The following CNTN5 variants were observed in gnomAD, a reference collection of about 807,000 sequenced individuals.
The protein encoded by CNTN5 is contactin-5.
CNTN5 carries 77 observed loss-of-function variants against 129.1 expected under a neutral mutation model. The observed-to-expected ratio is 0.60, with a 90% CI of 0.50 to 0.72. The LOEUF (loss-of-function observed/expected upper bound fraction) is 0.72, where lower values mean the gene tolerates loss of function less well. Among genes scored for constraint, CNTN5 ranks in the 30% least tolerant of loss-of-function variants. The probability of loss-of-function intolerance (pLI) is 0.00; values close to 1 mark genes in which losing one functional copy is unlikely to be tolerated. For synonymous variants in CNTN5, 509 were observed against 465.6 expected (o/e 1.09, Z -1.20); for missense variants, 1,478 against 1,328.8 (o/e 1.11, Z -1.75).
At chr11:99,171,462 A>T (rs1861145968) in intron 1 of CNTN5, among the ~76,000 whole-genome samples, 1 of 152,156 alleles carries the variant, frequency 6.6e-6, no homozygotes, top group African/African-American at 2.4e-5. Flanking sequence ...TACCCAGCCA[A>T]TTCCTCATTG....
At chr11:99,618,102 C>A (rs61638629) in intron 3 of CNTN5, among the ~76,000 whole-genome samples, 1,644 of 152,094 alleles carry the variant, frequency 0.011, 35 homozygotes, top group African/African-American at 0.036. Context: ...AAAAGAAATA[C>A]CTAAAACTTG....
intron 1 of CNTN5, among the ~76,000 whole-genome samples, chr11:99,195,186 T>C (rs1192345685): frequency 6.6e-6 from 1 of 152,194 alleles, no homozygotes; most frequent in East Asian, 1.9e-4. Context: ...TTTAACTTAT[T>C]CCTTATATTT....
intron 2 of CNTN5, among the ~76,000 whole-genome samples, chr11:99,376,357 G>A (rs548494642): frequency 8.5e-5 from 13 of 152,282 alleles, no homozygotes; most frequent in South Asian, 6.2e-4. Context: ...ATGAAGGTGA[G>A]ATCTGTTCCA....
At chr11:100,088,189 CTA>C (rs1446845683) in intron 13 of CNTN5, among the ~76,000 whole-genome samples, 1 of 151,850 alleles carries the variant, frequency 6.6e-6, no homozygotes, top group Non-Finnish European at 1.5e-5. Context: ...ATGAACACCT[CTA>C]TACACACAAA....
chr11:99,066,995 A>C (rs941779161), intron 1 of CNTN5, among the ~76,000 whole-genome samples: 7 of 152,094 alleles, frequency 4.6e-5, no homozygotes, highest in Admixed American at 4.6e-4. Context: ...CACAAAGATC[A>C]AACCTTTTAT....
chr11:100,085,783 G>A (rs555188841), intron 13 of CNTN5, among the ~76,000 whole-genome samples: 5 of 152,150 alleles, frequency 3.3e-5, no homozygotes, highest in South Asian at 2.1e-4. Flanking sequence ...AAATGAGAGC[G>A]TCCTAATTCT....
At chr11:100,147,541 T>C (rs913364855) in intron 13 of CNTN5, among the ~76,000 whole-genome samples, 5 of 152,118 alleles carry the variant, frequency 3.3e-5, no homozygotes, top group African/African-American at 1.2e-4. Context: ...TCAGTTCTGC[T>C]CGGAAGCCGC....
At chr11:100,299,728 A>G (rs1951177402) in intron 20 of CNTN5, among the ~76,000 whole-genome samples, 1 of 151,362 alleles carries the variant, frequency 6.6e-6, no homozygotes, top group South Asian at 2.1e-4. Context: ...AAATTTAGAT[A>G]CTTTTATATT....
chr11:99,087,125 A>G (rs192180460), intron 1 of CNTN5, among the ~76,000 whole-genome samples: 1 of 152,182 alleles, frequency 6.6e-6, no homozygotes, highest in African/African-American at 2.4e-5. Flanking sequence ...TAGTCCTGTG[A>G]AGAATTTTGA....
chr11:100,026,205 TA>T (rs1263948514), intron 9 of CNTN5, among the ~76,000 whole-genome samples: 9 of 152,092 alleles, frequency 5.9e-5, no homozygotes, highest in African/African-American at 1.9e-4. Flanking sequence ...GAGGGTTTTA[TA>T]AGGGGCTCTT....
chr11:100,038,060 A>T (rs1591103660), intron 9 of CNTN5, among the ~76,000 whole-genome samples: 2 of 139,888 alleles, frequency 1.4e-5, no homozygotes, highest in African/African-American at 2.8e-5. Context: ...TTGTGATGTT[A>T]GGGTGTCAAT....
intron 3 of CNTN5, among the ~76,000 whole-genome samples, chr11:99,645,014 C>T (rs1234941091): frequency 6.6e-6 from 1 of 151,374 alleles, no homozygotes; most frequent in Non-Finnish European, 1.5e-5. Flanking sequence ...TGCCTGTAAT[C>T]CCAGCACTTT....
chr11:99,705,968 C>G (rs1487058483), intron 3 of CNTN5, among the ~76,000 whole-genome samples: 1 of 151,304 alleles, frequency 6.6e-6, no homozygotes, highest in Non-Finnish European at 1.5e-5. Flanking sequence ...GAACCATCAC[C>G]AGGGTGGAGA....
intron 2 of CNTN5, among the ~76,000 whole-genome samples, chr11:99,465,548 G>C (rs1230016185): frequency 6.6e-6 from 1 of 151,760 alleles, no homozygotes; most frequent in East Asian, 1.9e-4. Context: ...ATTCTCTTGT[G>C]TTCAGTGCTA....
At chr11:99,936,036 A>G (rs1950309041) in intron 7 of CNTN5, among the ~76,000 whole-genome samples, 1 of 152,202 alleles carries the variant, frequency 6.6e-6, no homozygotes, top group Non-Finnish European at 1.5e-5. Context: ...TCCACCAGGA[A>G]TAATGAATCC....
chr11:99,853,096 C>T (rs184728732), intron 6 of CNTN5, among the ~76,000 whole-genome samples: 3 of 152,060 alleles, frequency 2.0e-5, no homozygotes, highest in Non-Finnish European at 4.4e-5. Flanking sequence ...CAGATAGAGA[C>T]TATTCTAAGA....
intron 9 of CNTN5, among the ~76,000 whole-genome samples, chr11:100,022,799 T>A (rs536828492): frequency 5.9e-5 from 9 of 152,212 alleles, no homozygotes; most frequent in Non-Finnish European, 1.3e-4. Context: ...GATTAAAGAA[T>A]TACAGACCAA....
At chr11:99,609,485 C>A (rs947835149) in intron 3 of CNTN5, among the ~76,000 whole-genome samples, 5 of 152,060 alleles carry the variant, frequency 3.3e-5, no homozygotes, top group Non-Finnish European at 5.9e-5. Flanking sequence ...CTAATGTAAT[C>A]ATTAATGTAT....
intron 2 of CNTN5, among the ~76,000 whole-genome samples, chr11:99,336,821 C>CT (rs1270008953): frequency 6.7e-6 from 1 of 149,380 alleles, no homozygotes; most frequent in East Asian, 2.0e-4. Flanking sequence ...GAGTGAGACT[C>CT]TGTCTCAAAA....
Sources: gnomAD v4.1 joint callset for allele counts (sites outside exome capture counted in the v4.1 genomes callset) on GRCh38, gnomAD v4.1.1 for gene constraint, MANE v1.5 for transcripts, NCBI Gene and HGNC (gene_info 2026-07-23, HGNC 2026-07-21) for gene names.